Variants in IFT52 observed in about 807,000 individuals in gnomAD.
IFT52 encodes intraflagellar transport protein 52 homolog.
Under a neutral mutation model 54.4 loss-of-function variants are expected in IFT52, and 44 were observed. The ratio of observed to expected loss-of-function variants is 0.81; its 90% CI spans 0.63 to 1.04. The LOEUF (loss-of-function observed/expected upper bound fraction) is 1.04. Ranked by LOEUF, IFT52 falls within the 50% of genes least tolerant of loss-of-function variation. The probability of loss-of-function intolerance (pLI) is 0.00; values close to 1 mark genes in which losing one functional copy is unlikely to be tolerated. For synonymous variants in IFT52, 181 were observed against 185.3 expected (o/e 0.98, Z 0.19); for missense variants, 452 against 523.6 (o/e 0.86, Z 1.33).
intron 13 of IFT52, among the ~76,000 whole-genome samples, chr20:43,646,336 A>T (rs192346885): frequency 5.6e-4 from 86 of 152,262 alleles, no homozygotes; most frequent in Non-Finnish European, 1.0e-4. Flanking sequence ...AAGACCAATT[A>T]GGTTCTGAGC....
At chr20:43,609,080 A>G (rs1420367611) in intron 6 of IFT52, among the ~76,000 whole-genome samples, 1 of 151,914 alleles carries the variant, frequency 6.6e-6, no homozygotes, top group Non-Finnish European at 1.5e-5. Flanking sequence ...TACAAAAAAA[A>G]AAAAACTGAA....
chr20:43,606,075 G>C (rs1406442119), intron 6 of IFT52, among the ~76,000 whole-genome samples: 1 of 151,974 alleles, frequency 6.6e-6, no homozygotes, highest in Non-Finnish European at 1.5e-5. Flanking sequence ...AGAAAATTTA[G>C]CTGTGCGTGG....
At chr20:43,593,752 TGTG>T (rs958018100) in intron 1 of IFT52, among the ~76,000 whole-genome samples, 1 of 151,908 alleles carries the variant, frequency 6.6e-6, no homozygotes, top group Non-Finnish European at 1.5e-5. Flanking sequence ...TTTGTAGAGA[TGTG>T]GTTTTATCAT....
intron 10 of IFT52, among the ~76,000 whole-genome samples, chr20:43,626,797 AAGTGTTGAT>A (rs79162605): frequency 0.71 from 107,000 of 151,430 alleles, 38,424 homozygotes; most frequent in East Asian, 0.8. Flanking sequence ...AAAGTGTTAA[AAGTGTTGAT>A]AGAGAAGAAA....
Position 43,623,989 on chromosome 20 carries a change from C to G in IFT52, c.867C>G (p.Thr289=), listed in dbSNP as rs770472981. 1.2e-6 allele frequency: 2 copies of G among 1,614,108 alleles called. No individual in the cohort carries two copies. Among genetic ancestry groups the G allele is most frequent in the South Asian group, 2.2e-5 (2 of 91,066 alleles). The change falls in exon 10 of 14, where the codon ACC becomes ACG. Residue 289 remains threonine (T), a synonymous_variant. Transcript: ENST00000373030. Reference sequence around the variant, plus strand: ...ATGAGATCCCAAGGGACTTTACCACCCTCTTCGACCTGTCCATCTTCCAGC... The same window carrying G: ...ATGAGATCCCAAGGGACTTTACCACGCTCTTCGACCTGTCCATCTTCCAGC... ...ESDEIPRDFT[T]LFDLSIFQLD...
intron 10 of IFT52, among the ~76,000 whole-genome samples, chr20:43,632,356 G>A (rs2145660101): frequency 6.6e-6 from 1 of 151,556 alleles, no homozygotes; most frequent in African/African-American, 2.4e-5. Context: ...CGCCTCCCGG[G>A]TTCAAGCAAT....
intron 10 of IFT52, among the ~76,000 whole-genome samples, chr20:43,628,585 G>A (rs975070625): frequency 7.2e-5 from 11 of 152,158 alleles, no homozygotes; most frequent in African/African-American, 2.4e-4. Context: ...GGACATGATG[G>A]CTCACGCCTG....
In IFT52 at chr20:43,623,948, T is replaced by C. The variant is rs759012099; in HGVS notation, c.826T>C (p.Cys276Arg). The C allele has an allele frequency of 6.2e-7, 1 of 1,614,024 alleles. No homozygotes were observed. Among genetic ancestry groups the C allele is most frequent in the Admixed American group, 1.7e-5 (1 of 59,992 alleles). ...CACCCTATCAAAGCGGAATCGAGAG[T>C]GTCTCCAGGAGAGTGATGAGATCCC... ...TATLSKRNRECLQESDEIPRD... is the reference protein window; with the variant it reads ...TATLSKRNRERLQESDEIPRD... The change falls in exon 10 of 14, where the codon TGT becomes CGT. Residue 276 changes from cysteine (C) to arginine (R), a missense_variant. Transcript: ENST00000373030.
chr20:43,622,767 ATTGTGTGTAAATATAAATATATACATAT>A (rs1984425352), intron 9 of IFT52, among the ~76,000 whole-genome samples: 4 of 120,830 alleles, frequency 3.3e-5, no homozygotes, highest in Admixed American at 8.7e-5. Flanking sequence ...ATATATACAA[ATTGTGTGTAAATATAAATATATACATAT>A]TTTTATATGT....
At chr20:43,621,793 A>T (rs1384786747) in intron 9 of IFT52, among the ~76,000 whole-genome samples, 1 of 152,226 alleles carries the variant, frequency 6.6e-6, no homozygotes, top group Non-Finnish European at 1.5e-5. Context: ...AACAGGGAAC[A>T]CTAATACCCG....
intron 11 of IFT52, 109 bp downstream of exon 11, chr20:43,636,122 G>C (rs764289462): frequency 1.0e-6 from 1 of 978,512 alleles, no homozygotes; most frequent in Non-Finnish European, 1.6e-6. Context: ...GGCACTCCTT[G>C]TGGAGTCATA....
intron 6 of IFT52, among the ~76,000 whole-genome samples, chr20:43,610,515 C>A (rs548941046): frequency 1.3e-5 from 2 of 151,874 alleles, no homozygotes; most frequent in Non-Finnish European, 2.9e-5. Context: ...AGGCAGATCA[C>A]GAGGTCAGGA....
chr20:43,621,822 A>G (rs1346884421), intron 9 of IFT52, among the ~76,000 whole-genome samples: 1 of 152,156 alleles, frequency 6.6e-6, no homozygotes, highest in Non-Finnish European at 1.5e-5. Context: ...GCCTCACAGG[A>G]TGGTTGTGTG....
chr20:43,602,143 T>TTTTTTTA (rs1555801614), intron 3 of IFT52, among the ~76,000 whole-genome samples: 1 of 145,562 alleles, frequency 6.9e-6, no homozygotes, highest in African/African-American at 2.6e-5. Context: ...CTGATTTTTA[T>TTTTTTTA]TTTATTTATT....
rs1315472145 is a variant in IFT52, at chr20:43,626,047, G to A, written c.923+2002G>A. ...GAAAAAAAAAAAAAAAAAAAAAGTTGCAATAACTGAGTTGAGAAAGACTGC... is the reference window on the plus strand; with the variant it reads ...GAAAAAAAAAAAAAAAAAAAAAGTTACAATAACTGAGTTGAGAAAGACTGC... On this transcript the variant is annotated intron_variant, in intron 10 of 13. Transcript: ENST00000373030. Among the ~76,000 whole-genome samples, 3 of 139,156 alleles carry A rather than the reference G, an allele frequency of 2.2e-5. No individual in the cohort carries two copies. In the Admixed American group the frequency reaches 2.2e-4, roughly 10 times the overall value. 91.3% of individuals were successfully genotyped at this position (139,156 alleles called of 152,430 possible).
At chr20:43,620,744 C>A in intron 8 of IFT52, 113 bp from the exon 9 acceptor site, 2 of 748,384 alleles carry the variant, frequency 2.7e-6, no homozygotes, top group South Asian at 2.0e-5. Flanking sequence ...TTCTGAATCA[C>A]TGGTTTAATC....
chr20:43,615,814 C>T lies in IFT52; in HGVS notation c.612+1838C>T, dbSNP rs557454531. 5.0e-4 allele frequency among the ~76,000 whole-genome samples: 76 copies of T among 152,198 alleles called. 1 individual carries two copies. The highest frequency in any genetic ancestry group is 1.7e-3 in the African/African-American group (69 of 41,536). On this transcript the variant is annotated intron_variant, in intron 7 of 13. Transcript: ENST00000373030. Reference sequence around the variant, plus strand: ...TAGCTGGGCGTGGTGTGGTGGCACGCGCCTGTAATCCCAGCTACTCAGGAA... The same window carrying T: ...TAGCTGGGCGTGGTGTGGTGGCACGTGCCTGTAATCCCAGCTACTCAGGAA...
chr20:43,602,143 T>TTTTATTTATTTATTTA (rs1555801613), intron 3 of IFT52, among the ~76,000 whole-genome samples: 72 of 145,636 alleles, frequency 4.9e-4, no homozygotes, highest in Middle Eastern at 3.6e-3. Context: ...CTGATTTTTA[T>TTTTATTTATTTATTTA]TTTATTTATT....
intron 9 of IFT52, among the ~76,000 whole-genome samples, chr20:43,622,851 C>T (rs545875686): frequency 6.7e-6 from 1 of 149,528 alleles, no homozygotes; most frequent in Non-Finnish European, 1.5e-5. Context: ...TAAATATATA[C>T]ATATATTTAA....
Sources: gnomAD v4.1 joint callset for allele counts (sites outside exome capture counted in the v4.1 genomes callset) on GRCh38, gnomAD v4.1.1 for gene constraint, MANE v1.5 for transcripts, NCBI Gene and HGNC (gene_info 2026-07-23, HGNC 2026-07-21) for gene names.